The following ZNG1E variants were observed in gnomAD, a reference collection of about 807,000 sequenced individuals.
The protein encoded by ZNG1E is zinc-regulated GTPase metalloprotein activator 1E.
At chr9:65,732,990 C>A in the ZNG1E span, 2 of 1,609,422 alleles carry the variant, frequency 1.2e-6, no homozygotes, top group Non-Finnish European at 1.7e-6. Context: ...CTCCTTTGAG[C>A]AGGGATTGGT....
chr9:65,698,972 T>C, the ZNG1E span, among the ~76,000 whole-genome samples: 1 of 145,322 alleles, frequency 6.9e-6, no homozygotes, highest in East Asian at 2.0e-4. Context: ...CTGCAACCTC[T>C]GCCTCCCAGG....
At chr9:65,705,010 A>T in the ZNG1E span, 3 of 147,934 alleles carry the variant, frequency 2.0e-5, no homozygotes, top group Non-Finnish European at 4.4e-5. Flanking sequence ...GTTTTTTTAA[A>T]TTTTTTTACC....
the ZNG1E span, among the ~76,000 whole-genome samples, chr9:65,724,017 AT>A: frequency 6.8e-6 from 1 of 146,454 alleles, no homozygotes; most frequent in Non-Finnish European, 1.5e-5. Flanking sequence ...TTCTTTGTTT[AT>A]TCCCCATAAG....
the ZNG1E span, among the ~76,000 whole-genome samples, chr9:65,661,619 G>A: frequency 6.6e-6 from 1 of 152,036 alleles, no homozygotes; most frequent in African/African-American, 2.4e-5. Context: ...ACCAAACAAT[G>A]TGTTAGAAAT....
At chr9:65,693,304 G>A in the ZNG1E span, 1 of 740,432 alleles carries the variant, frequency 1.4e-6, no homozygotes, top group African/African-American at 1.7e-5. Flanking sequence ...TTTAAATGAG[G>A]TTTAATTTAT....
At chr9:65,686,868 A>G in the ZNG1E span, among the ~76,000 whole-genome samples, 1 of 152,272 alleles carries the variant, frequency 6.6e-6, no homozygotes. Flanking sequence ...CAGCCTTCAC[A>G]GAACTGAAGA....
At chr9:65,680,332 G>T in the ZNG1E span, among the ~76,000 whole-genome samples, 1 of 152,388 alleles carries the variant, frequency 6.6e-6, no homozygotes, top group Admixed American at 6.5e-5. Flanking sequence ...AAAGAGAAAA[G>T]TGCTTTTTAG....
chr9:65,681,302 G>A, the ZNG1E span, among the ~76,000 whole-genome samples: 11 of 152,230 alleles, frequency 7.2e-5, no homozygotes, highest in Non-Finnish European at 5.9e-5. Flanking sequence ...ATTAAGAAAT[G>A]GGGGTGGCCA....
At chr9:65,676,902 T>C in the ZNG1E span, among the ~76,000 whole-genome samples, 1 of 146,556 alleles carries the variant, frequency 6.8e-6, no homozygotes, top group African/African-American at 2.6e-5. Context: ...ATTAGAAGTT[T>C]GGAAAAAGTT....
the ZNG1E span, among the ~76,000 whole-genome samples, chr9:65,666,878 T>A: frequency 1.3e-5 from 2 of 152,384 alleles, no homozygotes; most frequent in South Asian, 4.1e-4. Flanking sequence ...TGGAATGCAA[T>A]GGCACGATCT....
chr9:65,686,655 T>A, the ZNG1E span, among the ~76,000 whole-genome samples: 13 of 152,328 alleles, frequency 8.5e-5, no homozygotes, highest in East Asian at 2.1e-3. Context: ...AATAAATAAA[T>A]AAAAAATAAG....
the ZNG1E span, among the ~76,000 whole-genome samples, chr9:65,673,828 G>C: frequency 6.6e-6 from 1 of 152,286 alleles, no homozygotes; most frequent in South Asian, 2.1e-4. Flanking sequence ...AGGGATTTTA[G>C]TATAACATTC....
the ZNG1E span, among the ~76,000 whole-genome samples, chr9:65,717,433 A>G: frequency 2.7e-5 from 4 of 148,020 alleles, no homozygotes; most frequent in East Asian, 3.9e-4. Context: ...TGAAATAACC[A>G]GAAGTCTAGC....
the ZNG1E span, chr9:65,679,648 G>A: frequency 5.1e-5 from 14 of 276,390 alleles, no homozygotes; most frequent in East Asian, 1.1e-4. Flanking sequence ...TCTGTCTCCC[G>A]GGTTAAAGTG....
the ZNG1E span, among the ~76,000 whole-genome samples, chr9:65,720,983 A>C: frequency 9.2e-4 from 136 of 148,084 alleles, no homozygotes; most frequent in African/African-American, 3.4e-3. Flanking sequence ...AAAAAAAAAA[A>C]AAAAAACCCA....
At chr9:65,693,880 GC>G in the ZNG1E span, among the ~76,000 whole-genome samples, 11 of 149,090 alleles carry the variant, frequency 7.4e-5, no homozygotes, top group East Asian at 1.4e-3. Flanking sequence ...GTTTAAGTTT[GC>G]TTTTTTTTTT....
chr9:65,659,943 T>C, the ZNG1E span, among the ~76,000 whole-genome samples: 1 of 151,174 alleles, frequency 6.6e-6, no homozygotes, highest in Non-Finnish European at 1.5e-5. Context: ...AATCTATGTA[T>C]ATACTAAAAA....
chr9:65,714,261 A>T, the ZNG1E span, among the ~76,000 whole-genome samples: 1 of 148,808 alleles, frequency 6.7e-6, no homozygotes, highest in Non-Finnish European at 1.5e-5. Flanking sequence ...ATTCTTCAAA[A>T]TTTTTTCCAA....
At chr9:65,660,430 T>G in the ZNG1E span, among the ~76,000 whole-genome samples, 1 of 151,908 alleles carries the variant, frequency 6.6e-6, no homozygotes, top group African/African-American at 2.4e-5. Context: ...GAGGATACTA[T>G]AAAGCTCATC....
Sources: gnomAD v4.1 joint callset for allele counts (sites outside exome capture counted in the v4.1 genomes callset) on GRCh38, gnomAD v4.1.1 for gene constraint, MANE v1.5 for transcripts, NCBI Gene and HGNC (gene_info 2026-07-23, HGNC 2026-07-21) for gene names.